Variants in MAX observed in about 807,000 individuals in gnomAD.
The protein encoded by MAX is protein max.
MAX carries 3 observed loss-of-function variants against 22.3 expected under a neutral mutation model. The observed-to-expected ratio is 0.13, with a 90% CI of 0.06 to 0.35. MAX has a LOEUF of 0.35. Among genes scored for constraint, MAX ranks in the 10% least tolerant of loss-of-function variants. The pLI, the probability that MAX is intolerant of heterozygous loss-of-function variation, is 1.00. For synonymous variants in MAX, 72 were observed against 77.7 expected, an observed-to-expected ratio of 0.93 and a Z score of 0.39; for missense variants, 119 against 209.4, an observed-to-expected ratio of 0.57 and a Z score of 2.66.
chr14:65,075,859 C>A lies in MAX; in HGVS notation c.*617G>T. The A allele has an allele frequency of 9.4e-7, 1 of 1,066,866 alleles. No homozygotes were observed. The highest frequency in any genetic ancestry group is 1.1e-6 in the Non-Finnish European group (1 of 880,288). 66.1% of individuals were successfully genotyped at this position (1,066,866 alleles called of 1,614,324 possible). A position where few individuals can be genotyped will look rare whatever the true frequency, so the allele number is the denominator to read the frequency against. ...GAGAAGCAGGAGTGAAACATGCCAGCGACTCTGTGCTGCGAATCTGTCCCC... is the reference window on the plus strand; with the variant it reads ...GAGAAGCAGGAGTGAAACATGCCAGAGACTCTGTGCTGCGAATCTGTCCCC... On this transcript the variant is annotated 3_prime_UTR_variant, in exon 5 of 5. Coordinates refer to ENST00000358664, the MANE Select transcript of MAX (RefSeq NM_002382.5). This position sits in a 1 kb window ranked among gnomAD's most constrained non-coding sequence, Gnocchi z 4.1.
chr14:65,065,977 C>T (rs1430348359), intron 3 of MAX, among the ~76,000 whole-genome samples: 1 of 152,186 alleles, frequency 6.6e-6, no homozygotes, highest in Non-Finnish European at 1.5e-5. Context: ...AGCCCGAGCC[C>T]GTATCTGCTG....
intron 2 of MAX, among the ~76,000 whole-genome samples, chr14:65,094,738 G>A (rs2063611075): frequency 6.6e-6 from 1 of 152,258 alleles, no homozygotes; most frequent in African/African-American, 2.4e-5. Flanking sequence ...GCGCTGGAGA[G>A]CATGATAAGA....
intron 2 of MAX, among the ~76,000 whole-genome samples, chr14:65,098,097 A>G (rs963400598): frequency 4.6e-5 from 7 of 152,194 alleles, no homozygotes; most frequent in Admixed American, 6.5e-5. Flanking sequence ...TTGACCAACT[A>G]TTTCACCGTT....
intron 3 of MAX, among the ~76,000 whole-genome samples, chr14:65,039,845 A>G (rs182236596): frequency 1.1e-4 from 16 of 152,294 alleles, no homozygotes; most frequent in Non-Finnish European, 2.2e-4. Flanking sequence ...AAACTTTTTG[A>G]ACAAATAGAA....
intron 3 of MAX, among the ~76,000 whole-genome samples, chr14:65,041,075 T>A (rs1023303493): frequency 2.0e-5 from 3 of 152,212 alleles, no homozygotes; most frequent in African/African-American, 7.2e-5. Context: ...CTGCTCTGTC[T>A]TGGCTCCCCC....
intron 3 of MAX, among the ~76,000 whole-genome samples, chr14:65,013,580 C>T (rs551471617): frequency 2.6e-5 from 4 of 152,158 alleles, no homozygotes; most frequent in Non-Finnish European, 5.9e-5. Context: ...GATGGAGTCT[C>T]GCTGTATTTC....
At chr14:65,015,866 T>C in intron 3 of MAX, 1 of 784,470 alleles carries the variant, frequency 1.3e-6, no homozygotes. Context: ...GGCAACTTCC[T>C]GAAACTCCTC....
chr14:65,047,970 C>G lies in MAX; in HGVS notation c.172-41686G>C, dbSNP rs905371659. On this transcript the variant is annotated intron_variant, in intron 3 of 3. Transcript: ENST00000341653. The surrounding 1 kb of genome is among the most constrained non-coding windows in gnomAD (Gnocchi z 5.2). ...CAGACAGAAGACAGAAGGAGGGAGA[C>G]TTTTTAGATTTTTTTTTTTTTTTTT... 2.2e-5 allele frequency among the ~76,000 whole-genome samples: 3 copies of G among 138,350 alleles called. No individual in the cohort carries two copies. The highest frequency in any genetic ancestry group is 8.0e-5 in the African/African-American group (3 of 37,344). 90.8% of individuals were successfully genotyped at this position (138,350 alleles called of 152,430 possible). A position where few individuals can be genotyped will look rare whatever the true frequency, so the allele number is the denominator to read the frequency against.
rs761752335 is a variant in MAX, at chr14:65,101,539, G to A, written c.63+7C>T. The A allele has an allele frequency of 6.2e-7, 1 of 1,608,812 alleles. No homozygotes were observed. Among genetic ancestry groups the A allele is most frequent in the Non-Finnish European group, 8.5e-7 (1 of 1,175,930 alleles). On this transcript the variant is annotated splice_region_variant and intron_variant, in intron 2 of 4. Transcript: ENST00000358664. ...AATAAAAATGAAATGGAGAGTAGGA[G>A]ACGTACCGCAGATTGAAACCTCGGT...
In MAX at chr14:65,012,180, T is replaced by G; in HGVS notation, c.172-5896A>C. The stretch of plus-strand genomic sequence containing the variant: ...AGTTGCTCTTTGGAACCAGAGAAGT[T>G]GCTGGTTATCCAGTCAGTGATTGCA... On this transcript the variant is annotated intron_variant, in intron 3 of 3. Transcript: ENST00000341653. The surrounding 1 kb of genome is among the most constrained non-coding windows in gnomAD (Gnocchi z 5.0). 1 of 993,880 alleles carries G rather than the reference T, an allele frequency of 1.0e-6. No homozygotes were observed. Among genetic ancestry groups the G allele is most frequent in the South Asian group, 1.5e-5 (1 of 66,264 alleles). The allele number at this position is 993,880 out of a possible 1,614,324, so 61.6% of individuals were successfully genotyped here. A position where few individuals can be genotyped will look rare whatever the true frequency, so the allele number is the denominator to read the frequency against.
chr14:65,022,810 C>G lies in MAX; in HGVS notation c.172-16526G>C, dbSNP rs568739465. Among the ~76,000 whole-genome samples, 6 of 152,092 alleles carry G rather than the reference C, an allele frequency of 3.9e-5. No homozygotes were observed. The South Asian group carries it at 1.0e-3, about 26-fold the overall frequency. ...TTTAACAAGCATTTTTATTGTTGTT[C>G]TTCACAACTCGTGGACCCTTATTAC... On this transcript the variant is annotated intron_variant, in intron 3 of 3. Coordinates refer to the MAX transcript ENST00000341653.
At position 65,091,257 on chromosome 14, in the gene MAX, C is replaced by T. The variant is rs77145585; in HGVS notation, c.171+2451G>A. The stretch of plus-strand genomic sequence containing the variant: ...AGTGAGAACTGATAAGTCTAAGGGA[C>T]CAAAATATTCTGTTCGACTCACGGC... On this transcript the variant is annotated intron_variant, in intron 3 of 4. Transcript: ENST00000358664. Among the ~76,000 whole-genome samples, 934 of 152,242 alleles carry T rather than the reference C, an allele frequency of 6.1e-3. 11 individuals are homozygous for T. The highest frequency in any genetic ancestry group is 0.021 in the African/African-American group (883 of 41,536).
intron 3 of MAX, among the ~76,000 whole-genome samples, chr14:65,040,346 A>C (rs2062320592): frequency 6.7e-6 from 1 of 149,550 alleles, no homozygotes; most frequent in African/African-American, 2.5e-5. Flanking sequence ...TGATTTTATA[A>C]CTTTTTCCCA....
At chr14:65,043,362 A>T (rs1393570331) in intron 3 of MAX, among the ~76,000 whole-genome samples, 1 of 152,198 alleles carries the variant, frequency 6.6e-6, no homozygotes, top group African/African-American at 2.4e-5. Context: ...TACAGCTTCA[A>T]AGTAAAAGAT....
chr14:65,086,818 G>T (rs1400856049), intron 3 of MAX, among the ~76,000 whole-genome samples: 1 of 152,232 alleles, frequency 6.6e-6, no homozygotes, highest in Non-Finnish European at 1.5e-5. Flanking sequence ...GAAGCCGAAT[G>T]TTAATCCCCA....
Position 65,032,821 on chromosome 14 carries a change from G to T in MAX, c.172-26537C>A. On this transcript the variant is annotated intron_variant, in intron 3 of 3. Transcript: ENST00000341653. The surrounding 1 kb of genome is among the most constrained non-coding windows in gnomAD (Gnocchi z 5.0). Reference sequence around the variant, plus strand: ...ACAAAAATCACAGGAGATCCATTAGGGTTATCTAATGATTTTTTTAAATAC... The same window carrying T: ...ACAAAAATCACAGGAGATCCATTAGTGTTATCTAATGATTTTTTTAAATAC... 4 of 773,836 alleles carry T rather than the reference G, an allele frequency of 5.2e-6. No homozygotes were observed. Among genetic ancestry groups the T allele is most frequent in the Non-Finnish European group, 7.5e-6 (4 of 532,834 alleles). The allele number at this position is 773,836 out of a possible 1,614,324, so 47.9% of individuals were successfully genotyped here. A position where few individuals can be genotyped will look rare whatever the true frequency, so the allele number is the denominator to read the frequency against.
intron 2 of MAX, chr14:65,094,143 G>T (rs2063593282): frequency 5.5e-6 from 2 of 365,700 alleles, no homozygotes; most frequent in South Asian, 4.6e-5. Context: ...TGTGACAGAA[G>T]AGCCACCAGT....
At chr14:65,018,396 G>A (rs1035764193) in intron 3 of MAX, among the ~76,000 whole-genome samples, 2 of 152,168 alleles carry the variant, frequency 1.3e-5, no homozygotes, top group Non-Finnish European at 2.9e-5. Flanking sequence ...GATGTGAAAT[G>A]AAAATAGTTT....
At chr14:65,081,667 G>A (rs1293518600) in intron 3 of MAX, among the ~76,000 whole-genome samples, 1 of 152,226 alleles carries the variant, frequency 6.6e-6, no homozygotes, top group Admixed American at 6.5e-5. Flanking sequence ...CATGTCCACA[G>A]AGCAAGTGCT....
Sources: gnomAD v4.1 joint callset for allele counts (sites outside exome capture counted in the v4.1 genomes callset) on GRCh38, gnomAD v4.1.1 for gene constraint, Gnocchi (gnomAD v3.1) non-coding constraint, MANE v1.5 for transcripts, NCBI Gene and HGNC (gene_info 2026-07-23, HGNC 2026-07-21) for gene names.